The following UNC80 variants were observed in gnomAD, a reference collection of about 807,000 sequenced individuals.
The protein encoded by UNC80 is protein unc-80 homolog.
Under a neutral mutation model 384.6 loss-of-function variants are expected in UNC80, and 164 were observed. The ratio of observed to expected loss-of-function variants is 0.43; its 90% CI spans 0.38 to 0.49. The LOEUF (loss-of-function observed/expected upper bound fraction) is 0.49. UNC80 is among the 20% of genes least tolerant of loss of function. The pLI, the probability that UNC80 is intolerant of heterozygous loss-of-function variation, is 0.00. For synonymous variants in UNC80, 1,486 were observed against 1,527.8 expected (o/e 0.97, Z 0.64); for missense variants, 3,330 against 4,143.0 (o/e 0.80, Z 5.39).
chr2:209,968,445 G>A (rs1411041158), intron 52 of UNC80: 4 of 151,956 alleles, frequency 2.6e-5, no homozygotes, highest in Non-Finnish European at 5.9e-5. Flanking sequence ...CAATTCATCA[G>A]AATTTTTCAG....
At chr2:209,836,541 C>T (rs1415302143) in intron 18 of UNC80, among the ~76,000 whole-genome samples, 1 of 152,236 alleles carries the variant, frequency 6.6e-6, no homozygotes, top group Non-Finnish European at 1.5e-5. Context: ...GCATTTAGCA[C>T]ATCTATTCTT....
At chr2:209,856,134 T>G (rs1268177772) in intron 22 of UNC80, among the ~76,000 whole-genome samples, 1 of 152,140 alleles carries the variant, frequency 6.6e-6, no homozygotes, top group Non-Finnish European at 1.5e-5. Context: ...AACACTGTAT[T>G]GTCCAATATT....
At chr2:209,881,388 T>A (rs1321686473) in intron 25 of UNC80, among the ~76,000 whole-genome samples, 1 of 152,174 alleles carries the variant, frequency 6.6e-6, no homozygotes, top group Non-Finnish European at 1.5e-5. Flanking sequence ...CTTCCTTTAC[T>A]CTGAAAATAT....
At chr2:209,902,986 T>G (rs2087598048) in intron 28 of UNC80, among the ~76,000 whole-genome samples, 1 of 149,328 alleles carries the variant, frequency 6.7e-6, no homozygotes, top group South Asian at 2.2e-4. Flanking sequence ...TTCCAGGGCC[T>G]CCCATGAATA....
chr2:209,822,306 T>C (rs1375357458), intron 13 of UNC80, among the ~76,000 whole-genome samples: 1 of 152,210 alleles, frequency 6.6e-6, no homozygotes, highest in African/African-American at 2.4e-5. Context: ...GATCTGACTG[T>C]AAATGAAAAT....
chr2:209,819,298 G>A, intron 12 of UNC80, 37 bp downstream of exon 12: 1 of 1,512,680 alleles, frequency 6.6e-7, no homozygotes. Context: ...AAGTTAGACA[G>A]ATATTAATTA....
intron 60 of UNC80, 21 bp downstream of exon 60, chr2:209,982,338 T>G (rs1445265135): frequency 3.3e-6 from 5 of 1,523,094 alleles, no homozygotes; most frequent in Non-Finnish European, 4.4e-6. Flanking sequence ...ATGGTTATAC[T>G]GTACTCTGCA....
intron 7 of UNC80, chr2:209,794,749 C>G: frequency 2.2e-6 from 1 of 452,924 alleles, no homozygotes; most frequent in Non-Finnish European, 4.4e-6. Flanking sequence ...TCAGGGGTTT[C>G]CACTTTTGTC....
At chr2:209,992,849 C>T (rs1049353627) in intron 62 of UNC80, among the ~76,000 whole-genome samples, 5 of 152,212 alleles carry the variant, frequency 3.3e-5, no homozygotes, top group Admixed American at 2.0e-4. Flanking sequence ...AGTTCTTTTA[C>T]ATTACTTTCT....
At chr2:209,867,800 C>T (rs1442619647) in intron 22 of UNC80, among the ~76,000 whole-genome samples, 1 of 152,168 alleles carries the variant, frequency 6.6e-6, no homozygotes, top group Non-Finnish European at 1.5e-5. Flanking sequence ...GTAATTTCTA[C>T]TCTCCAGTTG....
chr2:209,963,559 T>A (rs899145272), intron 51 of UNC80, among the ~76,000 whole-genome samples: 7 of 152,252 alleles, frequency 4.6e-5, no homozygotes, highest in African/African-American at 1.4e-4. Context: ...CTTCTCAATG[T>A]TATCTTTAAA....
At chr2:209,787,113 A>T (rs1383814300) in intron 5 of UNC80, among the ~76,000 whole-genome samples, 1 of 111,816 alleles carries the variant, frequency 8.9e-6, no homozygotes, top group Non-Finnish European at 1.7e-5. Flanking sequence ...TTTTATTAAC[A>T]TATAAGCTAT....
In UNC80 at chr2:209,918,683, A is replaced by C. The variant is rs2124949237; in HGVS notation, c.5343+20A>C. Reference sequence around the variant, plus strand: ...CAGTCTGTGAGTAACAGACACTTCCAGGTTCCATGGTGTACGTGTAAAAGA... The same window carrying C: ...CAGTCTGTGAGTAACAGACACTTCCCGGTTCCATGGTGTACGTGTAAAAGA... On this transcript the variant is annotated intron_variant, in intron 33 of 64. Coordinates refer to ENST00000673920, the MANE Select transcript of UNC80 (RefSeq NM_001371986.1). 6.5e-7 allele frequency: 1 copy of C among 1,537,386 alleles called. No homozygotes were observed. The highest frequency in any genetic ancestry group is 1.4e-5 in the African/African-American group (1 of 72,886).
intron 35 of UNC80, among the ~76,000 whole-genome samples, chr2:209,924,118 G>A (rs768100535): frequency 6.6e-5 from 10 of 152,044 alleles, no homozygotes; most frequent in Non-Finnish European, 1.2e-4. Context: ...CTCAGGGTTA[G>A]TTTATGTTGA....
rs1422148853 is a variant in UNC80, at chr2:209,888,277, G to T, written c.4276+17G>T. 2.1e-5 allele frequency: 32 copies of T among 1,550,538 alleles called. No individual in the cohort carries two copies. Among genetic ancestry groups the T allele is most frequent in the East Asian group, 2.4e-5 (1 of 40,920 alleles). On this transcript the variant is annotated intron_variant, in intron 26 of 64. Coordinates refer to ENST00000673920, the MANE Select transcript of UNC80 (RefSeq NM_001371986.1). ...AGAAGAAAGGTATGGAAACACAAAG[G>T]TTCCTTCATGTTTCAGGGTTTCTTG...
At chr2:209,919,156 A>T (rs1402813221) in intron 33 of UNC80, among the ~76,000 whole-genome samples, 1 of 152,208 alleles carries the variant, frequency 6.6e-6, no homozygotes, top group Non-Finnish European at 1.5e-5. Context: ...TATGTAATAT[A>T]ACTCATAAAC....
intron 60 of UNC80, 54 bp from the exon 61 acceptor site, chr2:209,984,802 T>C: frequency 6.9e-7 from 1 of 1,454,932 alleles, no homozygotes; most frequent in Non-Finnish European, 9.2e-7. Flanking sequence ...TCTTTTTTCT[T>C]TTTTTTTTTC....
At chr2:209,929,769 AAGGCAAAAAGCAG>A in intron 36 of UNC80, 89 bp from the exon 37 acceptor site, 1 of 865,530 alleles carries the variant, frequency 1.2e-6, no homozygotes, top group South Asian at 1.9e-5. Flanking sequence ...AGAGCCTTTT[AAGGCAAAAAGCAG>A]AGACTAAAGC....
chr2:209,939,869 C>T (rs1575086756), intron 43 of UNC80, among the ~76,000 whole-genome samples: 3 of 152,130 alleles, frequency 2.0e-5, no homozygotes, highest in Admixed American at 1.3e-4. Flanking sequence ...GTTTTGTTCT[C>T]AAATGGAGAG....
Sources: gnomAD v4.1 joint callset for allele counts (sites outside exome capture counted in the v4.1 genomes callset) on GRCh38, gnomAD v4.1.1 for gene constraint, MANE v1.5 for transcripts, NCBI Gene and HGNC (gene_info 2026-07-23, HGNC 2026-07-21) for gene names.